Variants in CCAR1 observed in about 807,000 individuals in gnomAD.
CCAR1 encodes cell division cycle and apoptosis regulator protein 1.
A neutral mutation model predicts 163.8 loss-of-function variants in CCAR1; 78 were observed. The ratio of observed to expected loss-of-function variants is 0.48; its 90% CI spans 0.40 to 0.57. The LOEUF (loss-of-function observed/expected upper bound fraction) is 0.57, where lower values mean the gene tolerates loss of function less well. Ranked by LOEUF, CCAR1 falls within the 20% of genes least tolerant of loss-of-function variation. The pLI, the probability that CCAR1 is intolerant of heterozygous loss-of-function variation, is 0.00. For missense variants in CCAR1, 1,019 were observed against 1,365.2 expected, an observed-to-expected ratio of 0.75 and a Z score of 4.00; for synonymous variants, 443 against 460.7, an observed-to-expected ratio of 0.96 and a Z score of 0.49.
chr10:68,742,879 A>C (rs978144515), intron 6 of CCAR1, among the ~76,000 whole-genome samples: 1 of 152,158 alleles, frequency 6.6e-6, no homozygotes, highest in Admixed American at 6.5e-5. Flanking sequence ...CAGCTTCCCA[A>C]GGTGCTGGGA....
At chr10:68,726,431 G>T (rs2055947976) in intron 2 of CCAR1, among the ~76,000 whole-genome samples, 1 of 151,998 alleles carries the variant, frequency 6.6e-6, no homozygotes, top group South Asian at 2.1e-4. Flanking sequence ...GATTACAGGC[G>T]TGAGCCACTG....
intron 17 of CCAR1, among the ~76,000 whole-genome samples, 154 bp downstream of exon 17, chr10:68,766,233 C>T (rs1197231560): frequency 5.3e-5 from 8 of 150,478 alleles, no homozygotes; most frequent in African/African-American, 2.0e-4. Context: ...GACAGAGTTT[C>T]ACTCTGTTAC....
intron 2 of CCAR1, among the ~76,000 whole-genome samples, chr10:68,735,240 C>T (rs1162968): frequency 6.6e-6 from 1 of 151,886 alleles, no homozygotes; most frequent in Admixed American, 6.6e-5. Flanking sequence ...CCCACCTACT[C>T]GGAAGGCTGA....
At chr10:68,750,689 A>G (rs1209055406) in intron 10 of CCAR1, among the ~76,000 whole-genome samples, 2 of 152,190 alleles carry the variant, frequency 1.3e-5, no homozygotes, top group African/African-American at 4.8e-5. Flanking sequence ...TAGGTAATAG[A>G]TTAATAGATG....
At chr10:68,740,572 ATGAAGCAACAATTC>A (rs2056169319) in intron 4 of CCAR1, 43 bp from the exon 5 acceptor site, 9 of 1,348,146 alleles carry the variant, frequency 6.7e-6, no homozygotes, top group Non-Finnish European at 9.5e-6. Flanking sequence ...TGAAGCATCT[ATGAAGCAACAATTC>A]TGATTGACCC....
chr10:68,771,232 C>T lies in CCAR1; in HGVS notation c.2325C>T (p.Asn775=), dbSNP rs770975141. Residue 775 remains asparagine, a synonymous_variant, in exon 18 of 25, where the codon AAC becomes AAT. Coordinates refer to ENST00000265872, the MANE Select transcript of CCAR1 (RefSeq NM_018237.4). The part of the protein sequence containing the change: ...FEVSLFAELF[N]EMLQRDFGVR... The stretch of plus-strand genomic sequence containing the variant: ...TTTCATTGTTTGCGGAACTTTTCAA[C>T]GAAATGCTTCAAAGAGATTTTGGTG... 27 of 1,588,628 alleles carry T rather than the reference C, an allele frequency of 1.7e-5. No individual in the cohort carries two copies. The East Asian group carries it at 4.0e-4, about 24-fold the overall frequency.
chr10:68,775,045 T>G (rs1053611436), intron 19 of CCAR1: 3 of 316,848 alleles, frequency 9.5e-6, no homozygotes. Flanking sequence ...TATTGTTTAA[T>G]GAAAAAGTTG....
Position 68,786,712 on chromosome 10 carries a change from T to C in CCAR1, c.2880+20T>C, listed in dbSNP as rs1485988570. 1.3e-6 allele frequency: 2 copies of C among 1,566,354 alleles called. No individual in the cohort carries two copies. Among genetic ancestry groups the C allele is most frequent in the Admixed American group, 2.1e-5 (1 of 47,222 alleles). Reference sequence around the variant, plus strand: ...GCTCAGGTAATCTATCTTGTGAATATTTAAAAGGAAAACATTTTTTAAAAG... The same window carrying C: ...GCTCAGGTAATCTATCTTGTGAATACTTAAAAGGAAAACATTTTTTAAAAG... On this transcript the variant is annotated intron_variant, in intron 21 of 24. Coordinates refer to ENST00000265872, the MANE Select transcript of CCAR1 (RefSeq NM_018237.4).
At chr10:68,790,319 C>A (rs2056838906) in intron 24 of CCAR1, among the ~76,000 whole-genome samples, 2 of 150,498 alleles carry the variant, frequency 1.3e-5, no homozygotes, top group Non-Finnish European at 2.9e-5. Context: ...TGCACCATTG[C>A]ACTCTAGCCT....
At chr10:68,725,075 G>A (rs1022449362) in intron 2 of CCAR1, among the ~76,000 whole-genome samples, 4 of 152,130 alleles carry the variant, frequency 2.6e-5, no homozygotes, top group African/African-American at 9.7e-5. Flanking sequence ...CGGAGGTTGC[G>A]GTGAGCTCAG....
intron 18 of CCAR1, among the ~76,000 whole-genome samples, chr10:68,772,478 G>C (rs1011859673): frequency 6.7e-6 from 1 of 148,170 alleles, no homozygotes; most frequent in African/African-American, 2.5e-5. Flanking sequence ...GTGAGACTGT[G>C]TCTCAAAAAA....
chr10:68,729,830 A>G (rs553471328), intron 2 of CCAR1, among the ~76,000 whole-genome samples: 2 of 152,034 alleles, frequency 1.3e-5, no homozygotes, highest in African/African-American at 2.4e-5. Context: ...GAACTCTTGG[A>G]TGGAAGCAGT....
intron 23 of CCAR1, among the ~76,000 whole-genome samples, chr10:68,788,567 C>T (rs999295286): frequency 1.3e-5 from 2 of 152,180 alleles, no homozygotes; most frequent in African/African-American, 4.8e-5. Flanking sequence ...TTACTGCAAC[C>T]ACTGCCTCCC....
At chr10:68,765,280 C>T (rs1370331373) in intron 16 of CCAR1, among the ~76,000 whole-genome samples, 4 of 152,164 alleles carry the variant, frequency 2.6e-5, no homozygotes, top group Admixed American at 2.0e-4. Flanking sequence ...ATAAATTCTC[C>T]ACTCACTCTC....
intron 17 of CCAR1, among the ~76,000 whole-genome samples, chr10:68,769,976 G>A (rs1288456797): frequency 1.3e-5 from 2 of 151,464 alleles, no homozygotes; most frequent in East Asian, 3.8e-4. Flanking sequence ...TATAGTTTTA[G>A]GTTTATGCGT....
chr10:68,787,735 T>C (rs1231814905), intron 21 of CCAR1, 192 bp from the exon 22 acceptor site: 2 of 457,948 alleles, frequency 4.4e-6, no homozygotes, highest in African/African-American at 4.1e-5. Flanking sequence ...CTCTGGAGGC[T>C]GAGGTAGGAG....
intron 2 of CCAR1, among the ~76,000 whole-genome samples, chr10:68,726,255 G>A (rs781086773): frequency 3.3e-5 from 5 of 151,426 alleles, no homozygotes; most frequent in African/African-American, 4.9e-5. Flanking sequence ...GGGTTCAAGC[G>A]ATTCTCGTGC....
At chr10:68,722,328 A>G in intron 1 of CCAR1, 127 bp from the exon 2 acceptor site, 1 of 607,672 alleles carries the variant, frequency 1.6e-6, no homozygotes, top group South Asian at 1.9e-5. Flanking sequence ...TCTACTTAAC[A>G]GTTGTTATTT....
chr10:68,787,562 A>C (rs1241765028), intron 21 of CCAR1, among the ~76,000 whole-genome samples: 1 of 152,038 alleles, frequency 6.6e-6, no homozygotes, highest in African/African-American at 2.4e-5. Context: ...ACAGCTGGGC[A>C]TAGTGGCTCA....
Sources: allele counts gnomAD v4.1 joint callset (sites outside exome capture counted in the v4.1 genomes callset), GRCh38; gene constraint gnomAD v4.1.1; transcripts MANE v1.5; gene names NCBI Gene and HGNC (gene_info 2026-07-23, HGNC 2026-07-21).